WLS: variants seen among roughly 807,000 people sequenced by gnomAD.
The protein encoded by WLS is Wnt ligand secretion mediator, also known as protein wntless homolog.
A neutral mutation model predicts 62.8 loss-of-function variants in WLS; 23 were observed. That is an observed-to-expected ratio of 0.37 (90% CI 0.26 to 0.52). The LOEUF (loss-of-function observed/expected upper bound fraction) is 0.52. Ranked by LOEUF, WLS falls within the 20% of genes least tolerant of loss-of-function variation. The pLI is 0.92. For synonymous variants in WLS, 246 were observed against 244.1 expected (o/e 1.01, Z -0.07); for missense variants, 615 against 697.3 (o/e 0.88, Z 1.33).
At chr1:68,138,331 C>T (rs1182692562) in intron 10 of WLS, 2 of 193,334 alleles carry the variant, frequency 1.0e-5, no homozygotes, top group Non-Finnish European at 2.1e-5. Context: ...GAGACCAGTT[C>T]TCTGCTGCCA....
intron 11 of WLS, among the ~76,000 whole-genome samples, chr1:68,128,038 A>C (rs888981227): frequency 7.2e-5 from 11 of 152,196 alleles, no homozygotes; most frequent in Non-Finnish European, 5.9e-5. Context: ...TGGCCTCAGA[A>C]GCAGACTCAT....
chr1:68,143,387 A>T (rs148662436), intron 10 of WLS, among the ~76,000 whole-genome samples: 32 of 152,360 alleles, frequency 2.1e-4, no homozygotes, highest in Non-Finnish European at 3.7e-4. Context: ...CTTGCTATTC[A>T]TAAGAACACA....
chr1:68,207,321 T>C (rs1213577709), intron 1 of WLS, among the ~76,000 whole-genome samples: 4 of 152,220 alleles, frequency 2.6e-5, no homozygotes, highest in Non-Finnish European at 5.9e-5. Flanking sequence ...TTGGATCATG[T>C]CCAGCCTCTA....
intron 2 of WLS, among the ~76,000 whole-genome samples, chr1:68,191,632 G>T (rs575365407): frequency 6.6e-6 from 1 of 152,108 alleles, no homozygotes; most frequent in Non-Finnish European, 1.5e-5. Flanking sequence ...TCGTATGGCT[G>T]GGACTTAATA....
intron 2 of WLS, among the ~76,000 whole-genome samples, chr1:68,175,451 G>C (rs1338258992): frequency 6.6e-6 from 1 of 152,200 alleles, no homozygotes; most frequent in Non-Finnish European, 1.5e-5. Context: ...CCCGCTTCTT[G>C]CTCTAAAAAG....
chr1:68,137,682 G>T, intron 11 of WLS, 98 bp downstream of exon 11: 1 of 1,387,226 alleles, frequency 7.2e-7, no homozygotes, highest in Non-Finnish European at 9.8e-7. Context: ...TGGAGGGAAA[G>T]TTTCACTGGG....
Position 68,153,267 on chromosome 1 carries a change from T to G in WLS, c.803+250A>C, listed in dbSNP as rs904399790. ...CCAGCCTGGACAACAGAGTGAGACCTTGTCTCCAAAAAATAAATTAATTAA... is the reference window on the plus strand; with the variant it reads ...CCAGCCTGGACAACAGAGTGAGACCGTGTCTCCAAAAAATAAATTAATTAA... On this transcript the variant is annotated intron_variant, in intron 5 of 11. Transcript: ENST00000262348. Among the ~76,000 whole-genome samples, 9 of 152,128 alleles carry G rather than the reference T, an allele frequency of 5.9e-5. No individual in the cohort carries two copies. In the East Asian group the frequency reaches 1.5e-3, roughly 26 times the overall value.
chr1:68,232,036 C>T (rs1264345479), intron 1 of WLS, among the ~76,000 whole-genome samples, 158 bp downstream of exon 1: 1 of 151,958 alleles, frequency 6.6e-6, no homozygotes, highest in Non-Finnish European at 1.5e-5. Flanking sequence ...TTGTGCCCCA[C>T]GGAGCCCCAT....
At chr1:68,201,133 G>C (rs1013257548) in intron 1 of WLS, among the ~76,000 whole-genome samples, 2 of 152,140 alleles carry the variant, frequency 1.3e-5, no homozygotes, top group African/African-American at 4.8e-5. Flanking sequence ...CTGGTTAAAA[G>C]GAAACATGTG....
intron 5 of WLS, among the ~76,000 whole-genome samples, chr1:68,152,269 C>G (rs529911415): frequency 1.3e-5 from 2 of 152,120 alleles, no homozygotes; most frequent in African/African-American, 4.8e-5. Flanking sequence ...GAGGCTGAGG[C>G]TAAAGATACA....
intron 2 of WLS, among the ~76,000 whole-genome samples, chr1:68,168,167 C>T (rs1406521664): frequency 1.3e-5 from 2 of 152,000 alleles, no homozygotes; most frequent in Non-Finnish European, 2.9e-5. Flanking sequence ...AAATCTAGGG[C>T]AGCTGCTTAA....
At chr1:68,209,674 G>T (rs1396736428) in intron 1 of WLS, among the ~76,000 whole-genome samples, 1 of 152,162 alleles carries the variant, frequency 6.6e-6, no homozygotes, top group Non-Finnish European at 1.5e-5. Flanking sequence ...CAGCTACTCA[G>T]GAGGCTGAGG....
chr1:68,147,983 T>C (rs1646774256), intron 8 of WLS, among the ~76,000 whole-genome samples, 153 bp downstream of exon 8: 1 of 152,240 alleles, frequency 6.6e-6, no homozygotes, highest in Admixed American at 6.5e-5. Context: ...ATTCTTCTTA[T>C]TATTAGCCTT....
At chr1:68,101,551 C>G (rs1271967539) in intron 11 of WLS, among the ~76,000 whole-genome samples, 1 of 152,180 alleles carries the variant, frequency 6.6e-6, no homozygotes, top group Non-Finnish European at 1.5e-5. Flanking sequence ...CCAATTCAAC[C>G]ACTCACTCTA....
At chr1:68,163,024 G>T in intron 2 of WLS, 1 of 1,591,938 alleles carries the variant, frequency 6.3e-7, no homozygotes, top group East Asian at 2.2e-5. Context: ...ATGATCTGGG[G>T]GCGGATACCT....
At chr1:68,206,346 C>A (rs963179504) in intron 1 of WLS, among the ~76,000 whole-genome samples, 1 of 152,166 alleles carries the variant, frequency 6.6e-6, no homozygotes, top group African/African-American at 2.4e-5. Context: ...TCCAATCTTG[C>A]AAGTTCTCAG....
At chr1:68,191,394 C>A (rs1648293853) in intron 2 of WLS, among the ~76,000 whole-genome samples, 1 of 152,126 alleles carries the variant, frequency 6.6e-6, no homozygotes, top group African/African-American at 2.4e-5. Context: ...AATGCTAAAA[C>A]CCAAACCTGC....
At position 68,110,657 on chromosome 1, in the gene WLS, G is replaced by GTCTC. The variant is rs55965951; in HGVS notation, c.1511-11908_1511-11905dup. Among the ~76,000 whole-genome samples the GTCTC allele has an allele frequency of 4.2e-3, 475 of 114,054 alleles. 6 individuals are homozygous for GTCTC. The highest frequency in any genetic ancestry group is 0.041 in the East Asian group (168 of 4,086). The allele number at this position is 114,054 out of a possible 152,430, so 74.8% of individuals were successfully genotyped here. A position where few individuals can be genotyped will look rare whatever the true frequency, so the allele number is the denominator to read the frequency against. ...GACTAAGAAGCCCCCAAAAATCTCT[G>GTCTC]TCTCTCTCTCTCTCTCTCTCTCTCT... On this transcript the variant is annotated intron_variant, in intron 11 of 11. Transcript: ENST00000354777.
chr1:68,170,174 T>TTTTTTTTTTC (rs1647128627), intron 2 of WLS, among the ~76,000 whole-genome samples: 1 of 146,890 alleles, frequency 6.8e-6, no homozygotes, highest in Non-Finnish European at 1.5e-5. Flanking sequence ...TTTTTTTTTT[T>TTTTTTTTTTC]TTTTTTTTGA....
Sources: gnomAD v4.1 joint callset for allele counts (sites outside exome capture counted in the v4.1 genomes callset) on GRCh38, gnomAD v4.1.1 for gene constraint, MANE v1.5 for transcripts, NCBI Gene and HGNC (gene_info 2026-07-23, HGNC 2026-07-21) for gene names.